The following ARHGAP32 variants were observed in gnomAD, a reference collection of about 807,000 sequenced individuals.
ARHGAP32 encodes the protein Rho GTPase activating protein 32.
Under a neutral mutation model 186.5 loss-of-function variants are expected in ARHGAP32, and 51 were observed. The observed-to-expected ratio is 0.27, with a 90% CI of 0.22 to 0.35. The LOEUF is 0.35. ARHGAP32 is among the 10% of genes least tolerant of loss of function. The probability of loss-of-function intolerance (pLI) is 1.00; values close to 1 mark genes in which losing one functional copy is unlikely to be tolerated. For missense variants in ARHGAP32, 2,186 were observed against 2,623.5 expected, an observed-to-expected ratio of 0.83 and a Z score of 3.64; for synonymous variants, 950 against 964.3, an observed-to-expected ratio of 0.99 and a Z score of 0.27.
At chr11:129,158,895 T>G (rs1335162028) in intron 2 of ARHGAP32, among the ~76,000 whole-genome samples, 1 of 152,190 alleles carries the variant, frequency 6.6e-6, no homozygotes, top group Non-Finnish European at 1.5e-5. Flanking sequence ...AATTCAGGAT[T>G]AAGAAACTCA....
chr11:129,048,984 C>T (rs577292527), intron 10 of ARHGAP32, among the ~76,000 whole-genome samples: 3 of 150,938 alleles, frequency 2.0e-5, no homozygotes, highest in African/African-American at 7.3e-5. Flanking sequence ...CAGAGCAGTG[C>T]AAAGTAAGAC....
At chr11:129,176,771 G>T (rs1194574714) in intron 1 of ARHGAP32, among the ~76,000 whole-genome samples, 1 of 150,658 alleles carries the variant, frequency 6.6e-6, no homozygotes, top group South Asian at 2.1e-4. Flanking sequence ...AGAATCTCTG[G>T]GACGCATTCA....
chr11:129,002,015 T>C (rs1474165696), intron 11 of ARHGAP32, among the ~76,000 whole-genome samples: 1 of 152,210 alleles, frequency 6.6e-6, no homozygotes, highest in Non-Finnish European at 1.5e-5. Context: ...AACTCTGTAA[T>C]ATAATCTGAA....
Position 129,063,954 on chromosome 11 carries a change from GCAGCACCGA to G in ARHGAP32, c.824_832del (p.Val275_Ala277del). ...AGCAGTGTACCTCTTGATAACATGG[GCAGCACCGA>G]CAGCAGGAGTGTTGATGGATGACTC... On this transcript the variant is annotated inframe_deletion, in exon 9 of 23. Coordinates refer to ENST00000682385, the MANE Select transcript of ARHGAP32 (RefSeq NM_001378024.1). The G allele has an allele frequency of 1.2e-6, 2 of 1,612,800 alleles. No individual in the cohort carries two copies. Among genetic ancestry groups the G allele is most frequent in the South Asian group, 2.2e-5 (2 of 90,958 alleles).
chr11:129,007,081 C>T (rs1937815793), intron 11 of ARHGAP32, among the ~76,000 whole-genome samples: 1 of 152,072 alleles, frequency 6.6e-6, no homozygotes, highest in Non-Finnish European at 1.5e-5. Context: ...CTCTTGTCAG[C>T]TTGTGGCGAA....
At chr11:129,003,376 T>C (rs1477912161) in intron 11 of ARHGAP32, among the ~76,000 whole-genome samples, 1 of 152,230 alleles carries the variant, frequency 6.6e-6, no homozygotes, top group African/African-American at 2.4e-5. Flanking sequence ...TGTTTTGGTA[T>C]CAGTGTAATA....
intron 12 of ARHGAP32, among the ~76,000 whole-genome samples, chr11:128,991,346 G>C (rs1250820029): frequency 6.6e-6 from 1 of 151,970 alleles, no homozygotes; most frequent in Non-Finnish European, 1.5e-5. Flanking sequence ...TTACTTATAA[G>C]TTTAAGGGAA....
At chr11:129,211,341 A>G (rs983859161) in intron 1 of ARHGAP32, among the ~76,000 whole-genome samples, 1 of 152,170 alleles carries the variant, frequency 6.6e-6, no homozygotes, top group East Asian at 1.9e-4. Flanking sequence ...TTTCTCAGAA[A>G]TGTATCACAA....
At chr11:128,989,123 G>A (rs1270756788) in intron 12 of ARHGAP32, among the ~76,000 whole-genome samples, 1 of 152,058 alleles carries the variant, frequency 6.6e-6, no homozygotes, top group Non-Finnish European at 1.5e-5. Context: ...ACAGTATATT[G>A]TCATTCCTTT....
In ARHGAP32 at chr11:128,970,865, T is replaced by C; in HGVS notation, c.4348A>G (p.Ser1450Gly). ...AIHSSSADAT[S>G]SSNYHSFVTA... ...ACAAAGGAATGATAATTTGAACTGCTGGTGGCATCTGCACTGCTGGAGTGT... is the reference window on the plus strand; with the variant it reads ...ACAAAGGAATGATAATTTGAACTGCCGGTGGCATCTGCACTGCTGGAGTGT... The change falls in exon 23 of 23, where the codon AGC becomes GGC. Residue 1450 changes from serine (S) to glycine (G), a missense_variant. By Grantham distance (56) the Ser-to-Gly change is moderately conservative. Coordinates refer to ENST00000682385, the MANE Select transcript of ARHGAP32 (RefSeq NM_001378024.1). The surrounding 1 kb of genome is among the most constrained non-coding windows in gnomAD (Gnocchi z 5.8). 1.2e-6 allele frequency: 2 copies of C among 1,614,268 alleles called. No homozygotes were observed. The highest frequency in any genetic ancestry group is 1.1e-5 in the South Asian group (1 of 91,086).
intron 9 of ARHGAP32, among the ~76,000 whole-genome samples, chr11:129,063,358 T>C (rs1397032952): frequency 1.3e-5 from 2 of 152,116 alleles, no homozygotes; most frequent in Non-Finnish European, 2.9e-5. Context: ...CCAATATATA[T>C]CTTTAGAGGA....
In ARHGAP32 at chr11:128,970,718, G is replaced by A. The variant is rs1221934468; in HGVS notation, c.4495C>T (p.Pro1499Ser). 38 of 1,614,084 alleles carry A rather than the reference G, an allele frequency of 2.4e-5. No individual in the cohort carries two copies. Among genetic ancestry groups the A allele is most frequent in the Non-Finnish European group, 3.0e-5 (35 of 1,180,048 alleles). ...TGCAAACAGTTATCTGGACCAAAGG[G>A]TTCAGTGGTGACATCGGGCCTAGCA... ...SFARPDVTTE[P>S]FGPDNCLHFN... Residue 1499 changes from proline to serine, a missense_variant, in exon 23 of 23, where the codon CCC becomes TCC. Pro to Ser is a moderately conservative substitution (Grantham distance 74). Transcript: ENST00000682385. The surrounding 1 kb of genome is among the most constrained non-coding windows in gnomAD (Gnocchi z 5.8).
At chr11:129,118,320 T>C (rs550305316) in intron 5 of ARHGAP32, among the ~76,000 whole-genome samples, 1 of 151,952 alleles carries the variant, frequency 6.6e-6, no homozygotes, top group South Asian at 2.1e-4. Flanking sequence ...CTCAACTCTT[T>C]TCTGGAAAAA....
chr11:129,227,684 C>T (rs4334028), intron 1 of ARHGAP32, among the ~76,000 whole-genome samples: 45,049 of 151,894 alleles, frequency 0.3, 6,981 homozygotes, highest in Middle Eastern at 0.4. Flanking sequence ...ACAAGGGATA[C>T]TTTAGAATGA....
intron 11 of ARHGAP32, among the ~76,000 whole-genome samples, chr11:129,029,822 A>AAAC (rs1939033521): frequency 6.6e-6 from 1 of 150,798 alleles, no homozygotes; most frequent in African/African-American, 2.4e-5. Flanking sequence ...AAAAAAAAAA[A>AAAC]AAAACGGGTA....
chr11:128,998,598 GA>G (rs1946264310), intron 11 of ARHGAP32, 130 bp from the exon 12 acceptor site: 1 of 571,222 alleles, frequency 1.8e-6, no homozygotes, highest in South Asian at 7.1e-5. Context: ...TAATCTTTAG[GA>G]AAATGTCAGT....
intron 15 of ARHGAP32, among the ~76,000 whole-genome samples, chr11:128,985,052 G>C (rs558800449): frequency 6.6e-6 from 1 of 152,012 alleles, no homozygotes; most frequent in Non-Finnish European, 1.5e-5. Context: ...ATGGAGTCTC[G>C]CTTTGTTGTC....
intron 11 of ARHGAP32, among the ~76,000 whole-genome samples, chr11:129,025,964 A>G (rs1375727880): frequency 6.6e-6 from 1 of 151,268 alleles, no homozygotes; most frequent in African/African-American, 2.4e-5. Flanking sequence ...TATATTACTT[A>G]ACATATAAAC....
At chr11:129,028,268 T>C (rs1938951442) in intron 11 of ARHGAP32, among the ~76,000 whole-genome samples, 1 of 152,148 alleles carries the variant, frequency 6.6e-6, no homozygotes, top group Admixed American at 6.5e-5. Context: ...AAATTCAAGT[T>C]TGTCAAAGAG....
Sources: allele counts gnomAD v4.1 joint callset (sites outside exome capture counted in the v4.1 genomes callset), GRCh38; gene constraint gnomAD v4.1.1; non-coding constraint Gnocchi (gnomAD v3.1); transcripts MANE v1.5; gene names NCBI Gene and HGNC (gene_info 2026-07-23, HGNC 2026-07-21).